The following TNPO2 variants were observed in gnomAD, a reference collection of about 807,000 sequenced individuals.
TNPO2 encodes transportin-2.
A neutral mutation model predicts 111.1 loss-of-function variants in TNPO2; 16 were observed. The ratio of observed to expected loss-of-function variants is 0.14; its 90% confidence interval spans 0.10 to 0.22. The LOEUF (loss-of-function observed/expected upper bound fraction) is 0.22, where lower values mean the gene tolerates loss of function less well. TNPO2 is among the 10% of genes least tolerant of loss of function. The pLI is 1.00. For missense variants in TNPO2, 530 were observed against 1,173.7 expected, an observed-to-expected ratio of 0.45 and a Z score of 8.01; for synonymous variants, 481 against 475.8, an observed-to-expected ratio of 1.01 and a Z score of -0.14.
Position 12,706,821 on chromosome 19 carries a change from G to T in TNPO2, c.1271-26C>A. The T allele has an allele frequency of 6.4e-7, 1 of 1,571,588 alleles. No homozygotes were observed. Among genetic ancestry groups the T allele is most frequent in the South Asian group, 1.2e-5 (1 of 86,388 alleles). On this transcript the variant is annotated intron_variant, in intron 13 of 25. Transcript: ENST00000425528. The surrounding 1 kb of genome is among the most constrained non-coding windows in gnomAD (Gnocchi z 7.0). ...CTACAAGGAAAGGGAACCAAGAGGG[G>T]GCAGTTTGATTGGGCCCAGCCACAC...
At chr19:12,707,474 G>GTT (rs1300787833) in intron 13 of TNPO2, among the ~76,000 whole-genome samples, 3 of 124,192 alleles carry the variant, frequency 2.4e-5, no homozygotes, top group African/African-American at 6.1e-5. Context: ...ATGTTTGTGA[G>GTT]TTTTCTTTTT....
In TNPO2 at chr19:12,719,744, A is replaced by G. The variant is rs1484077174; in HGVS notation, c.100-408T>C. On this transcript the variant is annotated intron_variant, in intron 3 of 25. Coordinates refer to ENST00000425528, the MANE Select transcript of TNPO2 (RefSeq NM_001382241.1). This position sits in a 1 kb window ranked among gnomAD's most constrained non-coding sequence, Gnocchi z 5.0. ...AACCCAGCAGGTGAAGGTTGCAGTG[A>G]GCCGAGATTGCGCCTCTGCATTCCA... is the stretch of plus-strand genomic sequence containing the variant. 6.6e-6 allele frequency among the ~76,000 whole-genome samples: 1 copy of G among 151,866 alleles called. No homozygotes were observed. Among genetic ancestry groups the G allele is most frequent in the African/African-American group, 2.4e-5 (1 of 41,294 alleles).
rs2025341234 is a variant in TNPO2 at position 12,702,015 on chromosome 19, G to A, written c.2411+57C>T. On this transcript the variant is annotated intron_variant, in intron 22 of 25. Coordinates refer to ENST00000425528, the MANE Select transcript of TNPO2 (RefSeq NM_001382241.1). This position sits in a 1 kb window ranked among gnomAD's most constrained non-coding sequence, Gnocchi z 5.5. The stretch of plus-strand genomic sequence containing the variant: ...TGGGGCTGGAAATGCACAGGCGAGG[G>A]AGGGGGTTGGGCCAGTCCCGCCCAC... 2.6e-6 allele frequency: 4 copies of A among 1,546,796 alleles called. No individual in the cohort carries two copies. The highest frequency in any genetic ancestry group is 3.6e-6 in the Non-Finnish European group (4 of 1,119,666).
At position 12,701,911 on chromosome 19, in the gene TNPO2, C is replaced by T; in HGVS notation, c.2412-60G>A. Reference sequence around the variant, plus strand: ...AGGCTGGGCATGCATCTGTGGAGGGCTGGGTCACTGGGGATCAGTGAGTGG... The same window carrying T: ...AGGCTGGGCATGCATCTGTGGAGGGTTGGGTCACTGGGGATCAGTGAGTGG... On this transcript the variant is annotated intron_variant, in intron 22 of 25. Coordinates refer to ENST00000425528, the MANE Select transcript of TNPO2 (RefSeq NM_001382241.1). The surrounding 1 kb of genome is among the most constrained non-coding windows in gnomAD (Gnocchi z 5.0). 6 of 1,501,906 alleles carry T rather than the reference C, an allele frequency of 4.0e-6. No homozygotes were observed. Among genetic ancestry groups the T allele is most frequent in the Non-Finnish European group, 5.6e-6 (6 of 1,080,570 alleles). 93.0% of individuals were successfully genotyped at this position (1,501,906 alleles called of 1,614,324 possible).
In TNPO2 at chr19:12,721,462, C is replaced by G. The variant is rs1289244825; in HGVS notation, c.-13-472G>C. The G allele has an allele frequency of 2.1e-6, 1 of 476,162 alleles. No homozygotes were observed. Among genetic ancestry groups the G allele is most frequent in the African/African-American group, 2.1e-5 (1 of 47,788 alleles). 29.5% of individuals were successfully genotyped at this position (476,162 alleles called of 1,614,324 possible). A position where few individuals can be genotyped will look rare whatever the true frequency, so the allele number is the denominator to read the frequency against. On this transcript the variant is annotated intron_variant, in intron 2 of 25. Transcript: ENST00000425528. The surrounding 1 kb of genome is among the most constrained non-coding windows in gnomAD (Gnocchi z 4.9). ...CCTGAAGAGTCCCCTTCCCCCGACACTCTGCCCTTAACTTCTGCCAGATCC... is the reference window on the plus strand; with the variant it reads ...CCTGAAGAGTCCCCTTCCCCCGACAGTCTGCCCTTAACTTCTGCCAGATCC...
intron 13 of TNPO2, among the ~76,000 whole-genome samples, chr19:12,707,609 C>G (rs2025772945): frequency 6.7e-6 from 1 of 148,490 alleles, no homozygotes; most frequent in Non-Finnish European, 1.5e-5. Flanking sequence ...CTGCCTAAGC[C>G]TCCCAAGTAG....
At position 12,706,575 on chromosome 19, in the gene TNPO2, G is replaced by C. The variant is rs1045867346; in HGVS notation, c.1491C>G (p.Ala497=). The change falls in exon 14 of 26, where the codon GCC becomes GCG. Residue 497 remains alanine (A), a synonymous_variant. Coordinates refer to ENST00000425528, the MANE Select transcript of TNPO2 (RefSeq NM_001382241.1). The surrounding 1 kb of genome is among the most constrained non-coding windows in gnomAD (Gnocchi z 7.0). ...GATCAGGGGTCCAGGGTCACCTGCA[G>C]GCCGCCTCCTGTACCCTCTTGTTGC... ...LDGNKRVQEA[A]CSAFATLEEE... 6.2e-7 allele frequency: 1 copy of C among 1,613,926 alleles called. No homozygotes were observed. Among genetic ancestry groups the C allele is most frequent in the African/African-American group, 1.3e-5 (1 of 74,924 alleles).
chr19:12,705,749 A>G lies in TNPO2; in HGVS notation c.1688T>C (p.Met563Thr). The G allele has an allele frequency of 6.8e-7, 1 of 1,468,438 alleles. No individual in the cohort carries two copies. Among genetic ancestry groups the G allele is most frequent in the Non-Finnish European group, 9.0e-7 (1 of 1,105,856 alleles). The allele number at this position is 1,468,438 out of a possible 1,614,324, so 91.0% of individuals were successfully genotyped here. A position where few individuals can be genotyped will look rare whatever the true frequency, so the allele number is the denominator to read the frequency against. The stretch of plus-strand genomic sequence containing the variant: ...ATTCCACTTCTGGATCAGTGGGGGC[A>G]TCAGCTTCTGGATGTATTCCTGGAG... ...LNQPEYIQKL[M>T]PPLIQKWNEL... Residue 563 changes from methionine to threonine, a missense_variant, in exon 16 of 26, where the codon ATG (methionine) becomes ACG (threonine). Physicochemically the swap from Met to Thr is moderately conservative, Grantham distance 81. This residue lies in a region of TNPO2 where 183 missense variants were observed against 481.0 expected (regional missense o/e 0.38). Coordinates refer to ENST00000425528, the MANE Select transcript of TNPO2 (RefSeq NM_001382241.1). This position sits in a 1 kb window ranked among gnomAD's most constrained non-coding sequence, Gnocchi z 7.2.
At chr19:12,712,244 G>A (rs2026099456) in intron 10 of TNPO2, among the ~76,000 whole-genome samples, 2 of 152,230 alleles carry the variant, frequency 1.3e-5, no homozygotes, top group African/African-American at 4.8e-5. Context: ...CAGCATCTGG[G>A]AAGACGCCCG....
chr19:12,722,469 C>A (rs1174355982), intron 2 of TNPO2: 2 of 150,428 alleles, frequency 1.3e-5, no homozygotes, highest in African/African-American at 4.9e-5. Context: ...TGAGTGAGGC[C>A]CACTTACCCG....
Position 12,701,803 on chromosome 19 carries a change from G to C in TNPO2, c.2460C>G (p.Ala820=). Residue 820 remains alanine, a synonymous_variant, in exon 23 of 26, where the codon GCC becomes GCG. Coordinates refer to ENST00000425528, the MANE Select transcript of TNPO2 (RefSeq NM_001382241.1). This position sits in a 1 kb window ranked among gnomAD's most constrained non-coding sequence, Gnocchi z 5.0. ...NIRDNEEKDS[A]FRGICMMIGV... is the part of the protein sequence containing the mutation. ...CGATCATCATGCAGATGCCGCGGAA[G>C]GCTGAGTCCTTCTCCTCGTTGTCCC... 6.2e-7 allele frequency: 1 copy of C among 1,613,886 alleles called. No individual in the cohort carries two copies. Among genetic ancestry groups the C allele is most frequent in the African/African-American group, 1.3e-5 (1 of 75,034 alleles).
chr19:12,719,638 A>C lies in TNPO2; in HGVS notation c.100-302T>G, dbSNP rs2026558197. ...TGGTGAAACCCCATCTCTACTAAACATACAAAAAAATTATCCGGGCATGAT... is the reference window on the plus strand; with the variant it reads ...TGGTGAAACCCCATCTCTACTAAACCTACAAAAAAATTATCCGGGCATGAT... On this transcript the variant is annotated intron_variant, in intron 3 of 25. Coordinates refer to ENST00000425528, the MANE Select transcript of TNPO2 (RefSeq NM_001382241.1). This position sits in a 1 kb window ranked among gnomAD's most constrained non-coding sequence, Gnocchi z 5.0. Among the ~76,000 whole-genome samples, 1 of 152,150 alleles carries C rather than the reference A, an allele frequency of 6.6e-6. No homozygotes were observed. The highest frequency in any genetic ancestry group is 2.4e-5 in the African/African-American group (1 of 41,438).
chr19:12,710,567 G>A (rs1384475950), intron 13 of TNPO2, 54 bp downstream of exon 13: 3 of 1,588,610 alleles, frequency 1.9e-6, no homozygotes, highest in African/African-American at 1.3e-5. Context: ...TAGTAATGTG[G>A]GCCAGCCCTA....
At chr19:12,708,555 T>C (rs2025841634) in intron 13 of TNPO2, among the ~76,000 whole-genome samples, 1 of 152,014 alleles carries the variant, frequency 6.6e-6, no homozygotes, top group Non-Finnish European at 1.5e-5. Context: ...TCAACTCCTA[T>C]AGATCTTTTT....
At chr19:12,722,367 G>C (rs1967036435) in intron 2 of TNPO2, 1 of 150,020 alleles carries the variant, frequency 6.7e-6, no homozygotes, top group Non-Finnish European at 1.5e-5. Context: ...GCCTTTCCCG[G>C]TCGGGCGCGG....
At chr19:12,713,442 C>A (rs2026177453) in intron 10 of TNPO2, among the ~76,000 whole-genome samples, 1 of 149,796 alleles carries the variant, frequency 6.7e-6, no homozygotes. Context: ...AAGTTTGAGA[C>A]CAATTGGGAC....
rs2025245040 is a variant in TNPO2, at chr19:12,700,764, A to G, written c.*500T>C. The G allele has an allele frequency of 6.6e-6, 1 of 152,344 alleles. No individual in the cohort carries two copies. The highest frequency in any genetic ancestry group is 1.5e-5 in the Non-Finnish European group (1 of 68,324). The allele number at this position is 152,344 out of a possible 1,614,324, so 9.4% of individuals were successfully genotyped here. A position where few individuals can be genotyped will look rare whatever the true frequency, so the allele number is the denominator to read the frequency against. ...TTACGGGTTAACTCAGGGGTTCACT[A>G]ATTCTACTGTCTCCATGCAGTCGGG... On this transcript the variant is annotated 3_prime_UTR_variant, in exon 26 of 26. Coordinates refer to ENST00000425528, the MANE Select transcript of TNPO2 (RefSeq NM_001382241.1).
chr19:12,706,634 G>A lies in TNPO2; in HGVS notation c.1432C>T (p.Leu478=). The change falls in exon 14 of 26, where the codon CTG becomes TTG. Residue 478 remains leucine, a synonymous_variant. Coordinates refer to ENST00000425528, the MANE Select transcript of TNPO2 (RefSeq NM_001382241.1). This position sits in a 1 kb window ranked among gnomAD's most constrained non-coding sequence, Gnocchi z 7.0. ...SQPPDMHLKP[L]MTELLKRILD... ...ATGCGTTTGAGCAGCTCTGTCATCA[G>A]GGGCTTGAGGTGCATGTCGGGTGGC... is the stretch of plus-strand genomic sequence containing the variant. The A allele has an allele frequency of 2.5e-6, 4 of 1,614,034 alleles. 1 individual carries two copies. In the Middle Eastern group the frequency reaches 6.6e-4, roughly 266 times the overall value.
intron 5 of TNPO2, 42 bp downstream of exon 5, chr19:12,718,987 T>G (rs764908619): frequency 3.1e-6 from 5 of 1,608,802 alleles, no homozygotes; most frequent in Non-Finnish European, 4.2e-6. Flanking sequence ...GAAGTGAGAG[T>G]TCAGTGTGTC....
Sources: allele counts gnomAD v4.1 joint callset (sites outside exome capture counted in the v4.1 genomes callset), GRCh38; gene constraint gnomAD v4.1.1; regional missense constraint gnomAD v4.1.1; non-coding constraint Gnocchi (gnomAD v3.1); transcripts MANE v1.5; gene names NCBI Gene and HGNC (gene_info 2026-07-23, HGNC 2026-07-21).